The following CFAP299 variants were observed in gnomAD, a reference collection of about 807,000 sequenced individuals.
CFAP299 encodes the protein cilia and flagella associated protein 299, also known as cilia- and flagella-associated protein 299.
CFAP299 carries 21 observed loss-of-function variants against 27.0 expected under a neutral mutation model. The observed-to-expected ratio is 0.78, with a 90% CI of 0.55 to 1.12. CFAP299 has a LOEUF of 1.12. Among genes scored for constraint, CFAP299 ranks in the 50% most tolerant of loss-of-function variants. The probability of loss-of-function intolerance (pLI) is 0.00; values close to 1 mark genes in which losing one functional copy is unlikely to be tolerated. For missense variants in CFAP299, 310 were observed against 276.6 expected, an observed-to-expected ratio of 1.12 and a Z score of -0.86; for synonymous variants, 104 against 98.1, an observed-to-expected ratio of 1.06 and a Z score of -0.36.
At chr4:80,541,104 A>T (rs1733975338) in intron 2 of CFAP299, among the ~76,000 whole-genome samples, 1 of 150,704 alleles carries the variant, frequency 6.6e-6, no homozygotes, top group Admixed American at 6.6e-5. Flanking sequence ...TTTACAAGAA[A>T]TATAATGGAG....
rs1734661666 is a variant in CFAP299 at position 80,897,429 on chromosome 4, T to C, written c.476+27294T>C. 2.0e-5 allele frequency among the ~76,000 whole-genome samples: 3 copies of C among 152,202 alleles called. No individual in the cohort carries two copies. The South Asian group carries it at 6.2e-4, about 32-fold the overall frequency. On this transcript the variant is annotated intron_variant, in intron 4 of 5. Transcript: ENST00000358105. ...CTATTAGATGTACTGGTCTGGATCC[T>C]TTAATTGCAGACAACAGAGTCTGTT...
chr4:80,335,527 C>G (rs914716783), upstream of CFAP299, among the ~76,000 whole-genome samples: 3 of 152,154 alleles, frequency 2.0e-5, no homozygotes, highest in African/African-American at 7.2e-5. Flanking sequence ...TCTGGTTGCT[C>G]AACAGTTCAC....
At chr4:80,646,967 TTGAGAG>T (rs1335623054) in intron 3 of CFAP299, among the ~76,000 whole-genome samples, 1 of 106,322 alleles carries the variant, frequency 9.4e-6, no homozygotes, top group African/African-American at 3.8e-5. Context: ...TTCCAATTCT[TTGAGAG>T]AGAGAGAGAG....
At chr4:80,702,977 A>G (rs1485382574) in intron 3 of CFAP299, among the ~76,000 whole-genome samples, 1 of 151,820 alleles carries the variant, frequency 6.6e-6, no homozygotes, top group Admixed American at 6.6e-5. Context: ...CCAGCTCTTC[A>G]TATATGCAGC....
At chr4:80,546,532 A>T (rs1400405078) in intron 2 of CFAP299, among the ~76,000 whole-genome samples, 1 of 152,150 alleles carries the variant, frequency 6.6e-6, no homozygotes, top group East Asian at 1.9e-4. Context: ...TATAGTTTGA[A>T]TATTTTCCAC....
rs1741314742 is a variant in CFAP299, at chr4:80,669,141, CTTTCTTTCTTTTTTTTTTT to C, written c.333+85962_333+85980del. 7.2e-4 allele frequency among the ~76,000 whole-genome samples: 22 copies of C among 30,726 alleles called. 1 individual carries two copies. The South Asian group carries it at 0.029, about 40-fold the overall frequency. The allele number at this position is 30,726 out of a possible 152,430, so 20.2% of individuals were successfully genotyped here. A position where few individuals can be genotyped will look rare whatever the true frequency, so the allele number is the denominator to read the frequency against. ...TTTCTTTTCTTTTCTGTCTTTCTTT[CTTTCTTTCTTTTTTTTTTT>C]TTTTTTTTTTTTTTTTTTGAGACTA... is the stretch of plus-strand genomic sequence containing the variant. On this transcript the variant is annotated intron_variant, in intron 3 of 5. Coordinates refer to ENST00000358105, the MANE Select transcript of CFAP299 (RefSeq NM_152770.3).
intron 2 of CFAP299, among the ~76,000 whole-genome samples, chr4:80,423,768 G>T (rs984171938): frequency 1.3e-5 from 2 of 152,170 alleles, no homozygotes; most frequent in Non-Finnish European, 2.9e-5. Flanking sequence ...GTGCTGAAAT[G>T]TTCATTATGG....
chr4:80,818,576 G>A, intron 3 of CFAP299, among the ~76,000 whole-genome samples: 1 of 151,930 alleles, frequency 6.6e-6, no homozygotes, highest in East Asian at 1.9e-4. Context: ...TCTTGTTAAT[G>A]CATCATTAGA....
intron 3 of CFAP299, among the ~76,000 whole-genome samples, chr4:80,669,412 T>G (rs902548685): frequency 2.6e-5 from 4 of 151,804 alleles, no homozygotes; most frequent in South Asian, 2.1e-4. Context: ...TTAGACCTCC[T>G]AAAGTGCTAG....
chr4:80,409,853 G>A (rs990899759), intron 2 of CFAP299, among the ~76,000 whole-genome samples: 1 of 152,140 alleles, frequency 6.6e-6, no homozygotes, highest in Admixed American at 6.5e-5. Flanking sequence ...CACTTCACTT[G>A]GAATGTTTTA....
intron 2 of CFAP299, among the ~76,000 whole-genome samples, chr4:80,581,817 C>A: frequency 6.6e-6 from 1 of 151,790 alleles, no homozygotes; most frequent in East Asian, 1.9e-4. Context: ...TTGCTGAATA[C>A]TGTTTCTAAA....
intron 4 of CFAP299, among the ~76,000 whole-genome samples, chr4:80,918,176 A>T (rs750921177): frequency 1.3e-5 from 2 of 152,064 alleles, no homozygotes; most frequent in Non-Finnish European, 2.9e-5. Context: ...TTCCTGTTAC[A>T]CTCATCTCCA....
intron 4 of CFAP299, among the ~76,000 whole-genome samples, chr4:80,921,497 G>A (rs1307371716): frequency 1.3e-5 from 2 of 151,920 alleles, no homozygotes; most frequent in Non-Finnish European, 2.9e-5. Context: ...ATGAACAAGG[G>A]CATAAAACTG....
chr4:80,705,974 T>A (rs1054699180), intron 3 of CFAP299, among the ~76,000 whole-genome samples: 5 of 151,846 alleles, frequency 3.3e-5, no homozygotes, highest in African/African-American at 9.7e-5. Context: ...AATCTTCAAT[T>A]TTTTTGAATT....
At chr4:80,428,995 G>A (rs1351051093) in intron 2 of CFAP299, among the ~76,000 whole-genome samples, 2 of 152,170 alleles carry the variant, frequency 1.3e-5, no homozygotes, top group African/African-American at 4.8e-5. Flanking sequence ...TTTAGAAAGA[G>A]CATGAGGTTA....
At position 80,868,374 on chromosome 4, in the gene CFAP299, A is replaced by T. The variant is rs544054039; in HGVS notation, c.334-1619A>T. Among the ~76,000 whole-genome samples, 4 of 152,260 alleles carry T rather than the reference A, an allele frequency of 2.6e-5. No homozygotes were observed. The South Asian group carries it at 8.3e-4, about 32-fold the overall frequency. ...TTATTGTTTTGGTCTGAAGATGTTT[A>T]TATTTTGCTCACTGGAAAGAATTTT... On this transcript the variant is annotated intron_variant, in intron 3 of 5. Coordinates refer to ENST00000358105, the MANE Select transcript of CFAP299 (RefSeq NM_152770.3).
intron 3 of CFAP299, among the ~76,000 whole-genome samples, chr4:80,854,503 C>CA (rs1731710289): frequency 6.6e-6 from 1 of 151,524 alleles, no homozygotes; most frequent in African/African-American, 2.4e-5. Flanking sequence ...GTCAAATGCA[C>CA]AAAAAGAGAG....
At chr4:80,907,575 G>A (rs979320449) in intron 4 of CFAP299, among the ~76,000 whole-genome samples, 1 of 152,166 alleles carries the variant, frequency 6.6e-6, no homozygotes, top group Non-Finnish European at 1.5e-5. Context: ...CATGGCAGAA[G>A]GGGAAGCATG....
intron 3 of CFAP299, among the ~76,000 whole-genome samples, chr4:80,629,912 A>T (rs557311972): frequency 6.6e-6 from 1 of 151,868 alleles, no homozygotes; most frequent in East Asian, 1.9e-4. Context: ...ACCCAGAAAA[A>T]TTTATTTAAA....
Sources: allele counts gnomAD v4.1 joint callset (sites outside exome capture counted in the v4.1 genomes callset), GRCh38; gene constraint gnomAD v4.1.1; transcripts MANE v1.5; gene names NCBI Gene and HGNC (gene_info 2026-07-23, HGNC 2026-07-21).